The following MACROD2 variants were observed in gnomAD, a reference collection of about 807,000 sequenced individuals.
MACROD2 encodes ADP-ribose glycohydrolase MACROD2.
Under a neutral mutation model 70.4 loss-of-function variants are expected in MACROD2, and 36 were observed. The observed-to-expected ratio is 0.51, with a 90% CI of 0.39 to 0.68. MACROD2 has a LOEUF of 0.68. Among genes scored for constraint, MACROD2 ranks in the 30% least tolerant of loss-of-function variants. The probability of loss-of-function intolerance (pLI) is 0.00; values close to 1 mark genes in which losing one functional copy is unlikely to be tolerated. For missense variants in MACROD2, 496 were observed against 538.4 expected, an observed-to-expected ratio of 0.92 and a Z score of 0.78; for synonymous variants, 172 against 178.8, an observed-to-expected ratio of 0.96 and a Z score of 0.30.
chr20:14,790,646 G>A (rs1333429738), intron 5 of MACROD2, among the ~76,000 whole-genome samples: 1 of 152,052 alleles, frequency 6.6e-6, no homozygotes, highest in Non-Finnish European at 1.5e-5. Flanking sequence ...AAAGTTACCT[G>A]TTATGCATCC....
rs571933646 is a variant in MACROD2 at position 14,408,081 on chromosome 20, T to C, written c.272-85398T>C. On this transcript the variant is annotated intron_variant, in intron 3 of 17. Transcript: ENST00000684519. The stretch of plus-strand genomic sequence containing the variant: ...TATGTAACTTATCTGTGCCTTAGTA[T>C]TGTATCTATAAAATGGGGATAGTGC... Among the ~76,000 whole-genome samples the C allele has an allele frequency of 1.8e-4, 27 of 152,278 alleles. No individual in the cohort carries two copies. In the East Asian group the frequency reaches 5.0e-3, roughly 28 times the overall value.
chr20:15,699,590 C>T (rs1208014719), intron 8 of MACROD2, among the ~76,000 whole-genome samples: 1 of 152,126 alleles, frequency 6.6e-6, no homozygotes, highest in Non-Finnish European at 1.5e-5. Context: ...AGCATCAGAG[C>T]CGCCGCTGTG....
intron 3 of MACROD2, among the ~76,000 whole-genome samples, chr20:14,292,629 TG>T (rs2082395933): frequency 6.6e-6 from 1 of 151,884 alleles, no homozygotes; most frequent in Non-Finnish European, 1.5e-5. Flanking sequence ...CATTCATTCA[TG>T]CTTTTTGTTT....
chr20:14,899,949 A>G (rs1462296283), intron 5 of MACROD2, among the ~76,000 whole-genome samples: 2 of 152,180 alleles, frequency 1.3e-5, no homozygotes, highest in African/African-American at 2.4e-5. Flanking sequence ...GAATTACTAA[A>G]TAACTTTTAT....
At chr20:15,664,772 C>T (rs986820369) in intron 8 of MACROD2, among the ~76,000 whole-genome samples, 3 of 152,246 alleles carry the variant, frequency 2.0e-5, no homozygotes, top group Middle Eastern at 6.8e-3. Context: ...GACCCAGCCT[C>T]TGCTTGGATC....
intron 5 of MACROD2, among the ~76,000 whole-genome samples, chr20:14,853,516 A>G (rs1173023420): frequency 6.6e-6 from 1 of 151,542 alleles, no homozygotes; most frequent in Non-Finnish European, 1.5e-5. Flanking sequence ...GTAGGGAGAA[A>G]AAAAATGAAG....
intron 5 of MACROD2, among the ~76,000 whole-genome samples, chr20:15,131,724 G>C (rs571568380): frequency 6.6e-6 from 1 of 152,096 alleles, no homozygotes; most frequent in African/African-American, 2.4e-5. Flanking sequence ...ACTAAAAACA[G>C]ACTTTAAAAC....
At chr20:15,302,387 C>CACACACACACACACACACACACGACAT (rs6147301) in intron 6 of MACROD2, among the ~76,000 whole-genome samples, 117 of 150,556 alleles carry the variant, frequency 7.8e-4, no homozygotes, top group Middle Eastern at 3.4e-3. Context: ...CACACATACA[C>CACACACACACACACACACACACGACAT]ACATACAGAT....
intron 10 of MACROD2, among the ~76,000 whole-genome samples, chr20:15,896,536 C>T (rs77608498): frequency 1.4e-5 from 2 of 144,828 alleles, no homozygotes; most frequent in African/African-American, 5.1e-5. Context: ...ATGTCACAAT[C>T]TTTTTTTTTT....
chr20:15,140,819 C>G (rs1207580564), intron 5 of MACROD2, among the ~76,000 whole-genome samples: 1 of 152,176 alleles, frequency 6.6e-6, no homozygotes, highest in Non-Finnish European at 1.5e-5. Flanking sequence ...TCTCCCAAAA[C>G]TAATTCATGC....
intron 5 of MACROD2, among the ~76,000 whole-genome samples, chr20:14,790,808 A>T (rs1448052112): frequency 6.6e-6 from 1 of 152,044 alleles, no homozygotes. Flanking sequence ...ACTCAAAATA[A>T]TGCTTTCATC....
chr20:14,511,198 G>A (rs1483972023), intron 4 of MACROD2, among the ~76,000 whole-genome samples: 1 of 152,040 alleles, frequency 6.6e-6, no homozygotes, highest in Non-Finnish European at 1.5e-5. Context: ...GAGGGAGGCT[G>A]AAGATTAGGG....
intron 3 of MACROD2, among the ~76,000 whole-genome samples, chr20:14,364,848 C>T (rs1404394161): frequency 6.6e-6 from 1 of 152,272 alleles, no homozygotes; most frequent in Admixed American, 6.5e-5. Flanking sequence ...ATTTGCCCAT[C>T]CATTCATCTG....
intron 5 of MACROD2, among the ~76,000 whole-genome samples, chr20:14,690,090 T>A (rs1027145943): frequency 2.8e-5 from 4 of 142,782 alleles, no homozygotes; most frequent in South Asian, 2.2e-4. Flanking sequence ...GAAAAAAAAA[T>A]AAAAATAAAG....
chr20:15,779,348 T>A (rs537048262), intron 8 of MACROD2, among the ~76,000 whole-genome samples: 3 of 152,294 alleles, frequency 2.0e-5, no homozygotes, highest in Admixed American at 6.5e-5. Flanking sequence ...GTCCTAATAA[T>A]GGTTCCAGTG....
At chr20:15,937,893 C>T (rs2065690314) in intron 12 of MACROD2, among the ~76,000 whole-genome samples, 1 of 151,948 alleles carries the variant, frequency 6.6e-6, no homozygotes, top group African/African-American at 2.4e-5. Context: ...TACAGCCACT[C>T]ATCAGGAAAA....
rs117004187 is a variant in MACROD2 at position 14,842,778 on chromosome 20, A to G, written c.418+157819A>G. Among the ~76,000 whole-genome samples the G allele has an allele frequency of 4.4e-3, 663 of 152,254 alleles. 14 individuals carry two copies. The highest frequency in any genetic ancestry group is 0.014 in the Middle Eastern group (4 of 294). ...TTTCATTCAGATATAGGAAATCAGT[A>G]GCACTTGAAATGCCATCCATAGTAC... On this transcript the variant is annotated intron_variant, in intron 5 of 17. Transcript: ENST00000684519.
rs181944104 is a variant in MACROD2, at chr20:14,484,402, A to G, written c.272-9077A>G. 1.7e-3 allele frequency among the ~76,000 whole-genome samples: 255 copies of G among 152,276 alleles called. 2 individuals carry two copies. Among genetic ancestry groups the G allele is most frequent in the African/African-American group, 6.1e-3 (252 of 41,546 alleles). ...ATAATCCCATCAGGGTAAATGGGGT[A>G]TCCATCACCTCAAACATTTAGCCTT... On this transcript the variant is annotated intron_variant, in intron 3 of 17. Transcript: ENST00000684519.
chr20:14,832,831 A>C (rs989805458), intron 5 of MACROD2, among the ~76,000 whole-genome samples: 1 of 152,104 alleles, frequency 6.6e-6, no homozygotes, highest in Non-Finnish European at 1.5e-5. Context: ...TGAGGTAGAG[A>C]GTGAGCTAAG....
Sources: gnomAD v4.1 joint callset for allele counts (sites outside exome capture counted in the v4.1 genomes callset) on GRCh38, gnomAD v4.1.1 for gene constraint, MANE v1.5 for transcripts, NCBI Gene and HGNC (gene_info 2026-07-23, HGNC 2026-07-21) for gene names.